The following MACROH2A1 variants were observed in gnomAD, a reference collection of about 807,000 sequenced individuals.
The protein encoded by MACROH2A1 is macroH2A.1 histone, also known as core histone macro-H2A.1.
MACROH2A1 carries 2 observed loss-of-function variants against 31.6 expected under a neutral mutation model. The ratio of observed to expected loss-of-function variants is 0.06; its 90% CI spans 0.03 to 0.20. The LOEUF is 0.20. Among genes scored for constraint, MACROH2A1 ranks in the 10% least tolerant of loss-of-function variants. MACROH2A1 has a pLI of 1.00. For synonymous variants in MACROH2A1, 169 were observed against 189.6 expected (o/e 0.89, Z 0.89); for missense variants, 230 against 474.0 (o/e 0.49, Z 4.78).
chr5:135,351,059 G>A (rs529296715), intron 6 of MACROH2A1: 148 of 582,874 alleles, frequency 2.5e-4, no homozygotes, highest in African/African-American at 2.2e-3. Flanking sequence ...CGCAGTGTGC[G>A]CACATGTGGA....
chr5:135,354,243 T>C (rs958869375), intron 5 of MACROH2A1: 9 of 152,210 alleles, frequency 5.9e-5, no homozygotes, highest in African/African-American at 2.2e-4. Flanking sequence ...AGTTGCTGCA[T>C]TTCTAGGGCC....
At chr5:135,352,808 G>A (rs111410320) in intron 6 of MACROH2A1, 138 bp downstream of exon 6, 23,042 of 645,796 alleles carry the variant, frequency 0.036, 510 homozygotes, top group Non-Finnish European at 0.041. Flanking sequence ...GATATTCAGC[G>A]TCTACACTCA....
At chr5:135,387,986 G>A (rs568160921) in intron 2 of MACROH2A1, among the ~76,000 whole-genome samples, 39 of 148,186 alleles carry the variant, frequency 2.6e-4, no homozygotes, top group Non-Finnish European at 3.1e-4. Context: ...CCATTAAAGC[G>A]AGTAATGAAA....
chr5:135,356,350 G>A (rs151051305), intron 5 of MACROH2A1: 2 of 152,366 alleles, frequency 1.3e-5, no homozygotes, highest in East Asian at 3.9e-4. Context: ...TCCCTGTGGT[G>A]AGGATGTCCG....
intron 2 of MACROH2A1, among the ~76,000 whole-genome samples, chr5:135,385,577 TC>T (rs1260161349): frequency 2.6e-5 from 4 of 152,258 alleles, no homozygotes; most frequent in Non-Finnish European, 4.4e-5. Context: ...AGGCTGGTAC[TC>T]CAGTTTCTCC....
chr5:135,358,532 G>A, intron 5 of MACROH2A1: 2 of 985,180 alleles, frequency 2.0e-6, no homozygotes. Context: ...AGGCTAGGTG[G>A]TCTGTCTGGG....
chr5:135,369,521 T>C lies in MACROH2A1; in HGVS notation c.362A>G (p.Lys121Arg), dbSNP rs1185786553. 1.9e-6 allele frequency: 3 copies of C among 1,614,160 alleles called. No homozygotes were observed. The highest frequency in any genetic ancestry group is 1.7e-5 in the Admixed American group (1 of 60,030). ...TGTGATGATGGCTTCCAACTTTCCT[T>C]TGGATCCCCGCTTCTTCGCTAGCAA... ...PELLAKKRGSKGKLEAIITPP... is the reference protein window; with the variant it reads ...PELLAKKRGSRGKLEAIITPP... Residue 121 changes from lysine to arginine, a missense_variant, in exon 4 of 9, where the codon AAA (lysine) becomes AGA (arginine). By Grantham distance (26) the Lys-to-Arg change is conservative. Around this residue, in one of 2 missense-constraint regions of MACROH2A1, gnomAD observed 183 missense variants for 319.3 expected, o/e 0.57. Transcript: ENST00000511689. This position sits in a 1 kb window ranked among gnomAD's most constrained non-coding sequence, Gnocchi z 4.3.
intron 2 of MACROH2A1, among the ~76,000 whole-genome samples, chr5:135,374,449 G>A (rs902215781): frequency 1.3e-5 from 2 of 152,188 alleles, no homozygotes; most frequent in Non-Finnish European, 2.9e-5. Context: ...GCAAAGTCAT[G>A]GAGGCCCCAG....
At chr5:135,344,346 T>C (rs1760458098) in intron 7 of MACROH2A1, 1 of 152,244 alleles carries the variant, frequency 6.6e-6, no homozygotes, top group Non-Finnish European at 1.5e-5. Context: ...ATCCAAACTT[T>C]TTGTATTTGG....
chr5:135,393,701 G>A lies in MACROH2A1; in HGVS notation c.-33-4575C>T, dbSNP rs529165079. Reference sequence around the variant, plus strand: ...CTGCATGCTTTGAAAACAATGATAGGTCCTCAGGCAACTGTGTCTGTTCAT... The same window carrying A: ...CTGCATGCTTTGAAAACAATGATAGATCCTCAGGCAACTGTGTCTGTTCAT... On this transcript the variant is annotated intron_variant, in intron 1 of 8. Coordinates refer to ENST00000511689, the MANE Select transcript of MACROH2A1 (RefSeq NM_138610.3). 5.9e-5 allele frequency among the ~76,000 whole-genome samples: 9 copies of A among 152,276 alleles called. No individual in the cohort carries two copies. In the South Asian group the frequency reaches 1.9e-3, roughly 32 times the overall value.
chr5:135,379,496 G>A (rs1304249669), intron 2 of MACROH2A1, among the ~76,000 whole-genome samples: 1 of 152,192 alleles, frequency 6.6e-6, no homozygotes, highest in Non-Finnish European at 1.5e-5. Flanking sequence ...GGAAGAGACG[G>A]AGGCTGACAA....
Position 135,360,482 on chromosome 5 carries a change from C to T in MACROH2A1, c.588+15G>A, listed in dbSNP as rs369566688. ...TTGGGGCCCTCGAGTAGACTGAGGCCGCGCATCTGCCTACCTTCTGGCCAA... is the reference window on the plus strand; with the variant it reads ...TTGGGGCCCTCGAGTAGACTGAGGCTGCGCATCTGCCTACCTTCTGGCCAA... On this transcript the variant is annotated intron_variant, in intron 5 of 8. Transcript: ENST00000511689. 106 of 1,518,684 alleles carry T rather than the reference C, an allele frequency of 7.0e-5. No individual in the cohort carries two copies. In the Middle Eastern group the frequency reaches 8.5e-4, roughly 12 times the overall value. The allele number at this position is 1,518,684 out of a possible 1,614,324, so 94.1% of individuals were successfully genotyped here. A position where few individuals can be genotyped will look rare whatever the true frequency, so the allele number is the denominator to read the frequency against.
At chr5:135,380,483 G>C (rs1389136123) in intron 2 of MACROH2A1, among the ~76,000 whole-genome samples, 2 of 152,210 alleles carry the variant, frequency 1.3e-5, no homozygotes, top group Non-Finnish European at 2.9e-5. Flanking sequence ...CCCAGGCCTA[G>C]TTTCATGTTT....
chr5:135,354,464 G>T (rs952855455), intron 5 of MACROH2A1: 1 of 152,006 alleles, frequency 6.6e-6, no homozygotes, highest in Non-Finnish European at 1.5e-5. Flanking sequence ...CTTCATTTTT[G>T]GTTAAAGACT....
chr5:135,348,072 C>A (rs766739391), intron 6 of MACROH2A1, among the ~76,000 whole-genome samples: 4 of 152,092 alleles, frequency 2.6e-5, no homozygotes, highest in Middle Eastern at 3.4e-3. Context: ...GTGAAATTTC[C>A]AAGTTAAAAT....
In MACROH2A1 at chr5:135,369,646, T is replaced by C; in HGVS notation, c.280-43A>G. The C allele has an allele frequency of 6.6e-7, 1 of 1,514,506 alleles. No homozygotes were observed. Among genetic ancestry groups the C allele is most frequent in the Middle Eastern group, 2.3e-4 (1 of 4,396 alleles). The allele number at this position is 1,514,506 out of a possible 1,614,324, so 93.8% of individuals were successfully genotyped here. ...ATAGCAGATAGTGAGCCAGATACCC[T>C]GCTTCTAACCTTCAAGAAGCCAGCC... On this transcript the variant is annotated intron_variant, in intron 3 of 8. Transcript: ENST00000511689. This position sits in a 1 kb window ranked among gnomAD's most constrained non-coding sequence, Gnocchi z 4.3.
intron 8 of MACROH2A1, among the ~76,000 whole-genome samples, chr5:135,340,828 A>C (rs1172894733): frequency 2.0e-4 from 30 of 152,068 alleles, no homozygotes; most frequent in Admixed American, 2.0e-3. Flanking sequence ...TTTTTTACTC[A>C]TGAAAGAGAG....
intron 8 of MACROH2A1, among the ~76,000 whole-genome samples, chr5:135,335,841 G>A (rs568598159): frequency 6.6e-6 from 1 of 152,336 alleles, no homozygotes; most frequent in East Asian, 1.9e-4. Context: ...TCACTGCTCT[G>A]TGGTGTGCCT....
chr5:135,368,287 G>A (rs919850372), intron 4 of MACROH2A1, among the ~76,000 whole-genome samples: 5 of 152,236 alleles, frequency 3.3e-5, no homozygotes, highest in Non-Finnish European at 7.3e-5. Flanking sequence ...CAAAGGAGAG[G>A]ACATGCTGAC....
Sources: gnomAD v4.1 joint callset for allele counts (sites outside exome capture counted in the v4.1 genomes callset) on GRCh38, gnomAD v4.1.1 for gene constraint, gnomAD v4.1.1 regional missense constraint, Gnocchi (gnomAD v3.1) non-coding constraint, MANE v1.5 for transcripts, NCBI Gene and HGNC (gene_info 2026-07-23, HGNC 2026-07-21) for gene names.